ALG2: variants seen among roughly 807,000 people sequenced by gnomAD.
The protein encoded by ALG2 is alpha-1,3/1,6-mannosyltransferase ALG2.
A neutral mutation model predicts 30.5 loss-of-function variants in ALG2; 32 were observed. The observed-to-expected ratio is 1.05, with a 90% CI of 0.79 to 1.41. The LOEUF (loss-of-function observed/expected upper bound fraction) is 1.41. ALG2 is among the 40% of genes most tolerant of loss of function. ALG2 has a pLI of 0.00. For synonymous variants in ALG2, 253 were observed against 224.8 expected, an observed-to-expected ratio of 1.13 and a Z score of -1.12; for missense variants, 574 against 526.4, an observed-to-expected ratio of 1.09 and a Z score of -0.88.
chr9:99,218,213 A>C lies in ALG2; in HGVS notation c.972T>G (p.Asn324Lys). The C allele has an allele frequency of 6.2e-7, 1 of 1,614,238 alleles. No homozygotes were observed. Among genetic ancestry groups the C allele is most frequent in the Non-Finnish European group, 8.5e-7 (1 of 1,180,030 alleles). Residue 324 changes from asparagine to lysine, a missense_variant, in exon 2 of 2, where the codon AAT becomes AAG. By Grantham distance (94) the Asn-to-Lys change is moderately conservative. Transcript: ENST00000476832. ...SCTCVLYTPS[N>K]EHFGIVPLEA... ...CCAGAGGGACAATGCCAAAGTGCTC[A>C]TTGCTTGGTGTGTAAAGCACACACG...
chr9:99,221,602 G>A lies in ALG2; in HGVS notation c.293C>T (p.Ala98Val). Residue 98 changes from alanine to valine, a missense_variant, in exon 1 of 2, where the codon GCG (alanine) becomes GTG (valine). Coordinates refer to ENST00000476832, the MANE Select transcript of ALG2 (RefSeq NM_033087.4). ...VCAYVRMVFL[A>V]LYVLFLADEE... ...GTCGGCGAGGAACAGCACGTAGAGC[G>A]CCAGGAAAACCATGCGCACGTAGGC... is the stretch of plus-strand genomic sequence containing the variant. 2 of 1,543,706 alleles carry A rather than the reference G, an allele frequency of 1.3e-6. No homozygotes were observed. Among genetic ancestry groups the A allele is most frequent in the Non-Finnish European group, 1.7e-6 (2 of 1,145,796 alleles).
chr9:99,220,085 A>G (rs1027460851), intron 1 of ALG2, among the ~76,000 whole-genome samples: 4 of 152,228 alleles, frequency 2.6e-5, no homozygotes, highest in African/African-American at 7.2e-5. Context: ...GTGGGGGAGT[A>G]AAGTGACACA....
intron 1 of ALG2, among the ~76,000 whole-genome samples, chr9:99,220,221 A>C (rs1337672962): frequency 6.6e-6 from 1 of 152,258 alleles, no homozygotes; most frequent in African/African-American, 2.4e-5. Context: ...TTTAAAAAAA[A>C]GAAGTAAAAG....
chr9:99,220,616 G>C (rs1265473479), intron 1 of ALG2, among the ~76,000 whole-genome samples: 2 of 152,162 alleles, frequency 1.3e-5, no homozygotes, highest in Non-Finnish European at 2.9e-5. Flanking sequence ...TCCAGCCTGG[G>C]AGACAGAGCA....
In ALG2 at chr9:99,218,501, C is replaced by T; in HGVS notation, c.684G>A (p.Leu228=). 1 of 1,614,212 alleles carries T rather than the reference C, an allele frequency of 6.2e-7. No individual in the cohort carries two copies. The stretch of plus-strand genomic sequence containing the variant: ...TCCTTTCGTATCTGTTGATGGAGAG[C>T]AGCAGGAATTTTTTCCCCTTGGGGA... The part of the protein sequence containing the change: ...DLVPKGKKFL[L]LSINRYERKK... Residue 228 remains leucine (L), a synonymous_variant, in exon 2 of 2, where the codon CTG becomes CTA. Coordinates refer to ENST00000476832, the MANE Select transcript of ALG2 (RefSeq NM_033087.4).
Position 99,217,315 on chromosome 9 carries a change from C to T in ALG2, c.*619G>A, listed in dbSNP as rs963115476. On this transcript the variant is annotated 3_prime_UTR_variant, in exon 2 of 2. Transcript: ENST00000476832. ...CCAGTTTGGTTGTCATATCCATGTT[C>T]GTAACAATACCAAAATAGATTATGG... 10 of 453,922 alleles carry T rather than the reference C, an allele frequency of 2.2e-5. No homozygotes were observed. The highest frequency in any genetic ancestry group is 1.2e-4 in the African/African-American group (6 of 49,984). The allele number at this position is 453,922 out of a possible 1,614,324, so 28.1% of individuals were successfully genotyped here. A position where few individuals can be genotyped will look rare whatever the true frequency, so the allele number is the denominator to read the frequency against.
chr9:99,220,064 T>C (rs1360671238), intron 1 of ALG2, among the ~76,000 whole-genome samples: 1 of 152,232 alleles, frequency 6.6e-6, no homozygotes, highest in African/African-American at 2.4e-5. Context: ...TAAGAGGCTC[T>C]ATCATACATT....
Position 99,217,100 on chromosome 9 carries a change from G to C in ALG2, c.*834C>G. 3 of 454,122 alleles carry C rather than the reference G, an allele frequency of 6.6e-6. No homozygotes were observed. Among genetic ancestry groups the C allele is most frequent in the Non-Finnish European group, 1.3e-5 (3 of 226,794 alleles). The allele number at this position is 454,122 out of a possible 1,614,324, so 28.1% of individuals were successfully genotyped here. On this transcript the variant is annotated 3_prime_UTR_variant, in exon 2 of 2. Coordinates refer to ENST00000476832, the MANE Select transcript of ALG2 (RefSeq NM_033087.4). ...AAAGCTTTGCAGCAGTGGCATTTGAGCCAGGCCTTGGAAGATAAAAAACAT... is the reference window on the plus strand; with the variant it reads ...AAAGCTTTGCAGCAGTGGCATTTGACCCAGGCCTTGGAAGATAAAAAACAT...
intron 1 of ALG2, among the ~76,000 whole-genome samples, chr9:99,219,946 T>A (rs1221533768): frequency 6.6e-6 from 1 of 152,168 alleles, no homozygotes; most frequent in Non-Finnish European, 1.5e-5. Flanking sequence ...CAAAAGTAAC[T>A]CAGGAGTCAT....
At position 99,221,697 on chromosome 9, in the gene ALG2, T is replaced by A. The variant is rs374316187; in HGVS notation, c.198A>T (p.Leu66=). 11 of 1,583,704 alleles carry A rather than the reference T, an allele frequency of 6.9e-6. No individual in the cohort carries two copies. The highest frequency in any genetic ancestry group is 9.4e-6 in the Non-Finnish European group (11 of 1,171,452). The change falls in exon 1 of 2, where the codon CTA becomes CTT. Residue 66 remains leucine (L), a synonymous_variant. Transcript: ENST00000476832. Reference sequence around the variant, plus strand: ...GCCAGTCCCCGGCACAGCGCACCGGTAGCTCGCGGCTCTCGGCGAAACAGT... The same window carrying A: ...GCCAGTCCCCGGCACAGCGCACCGGAAGCTCGCGGCTCTCGGCGAAACAGT... ...PGHCFAESRE[L]PVRCAGDWLP... is the part of the protein sequence containing the mutation.
chr9:99,218,052 C>T lies in ALG2; in HGVS notation c.1133G>A (p.Arg378His), dbSNP rs376229898. The part of the protein sequence containing the change: ...HFSEAIEKFI[R>H]EPSLKATMGL... ...CATGGTGGCTTTTAAGGAAGGTTCA[C>T]GGATGAACTTTTCTATTGCTTCTGA... Residue 378 changes from arginine (R) to histidine (H), a missense_variant, in exon 2 of 2, where the codon CGT becomes CAT. Coordinates refer to ENST00000476832, the MANE Select transcript of ALG2 (RefSeq NM_033087.4). The T allele has an allele frequency of 5.6e-6, 9 of 1,614,004 alleles. No individual in the cohort carries two copies. Among genetic ancestry groups the T allele is most frequent in the Middle Eastern group, 1.6e-4 (1 of 6,084 alleles).
chr9:99,221,576 C>A lies in ALG2; in HGVS notation c.319G>T (p.Glu107Ter). The stretch of plus-strand genomic sequence containing the variant: ...TCGCACACTACCACGTCGAACTCCT[C>A]GTCGGCGAGGAACAGCACGTAGAGC... ...LALYVLFLAD[E>*]EFDVVVCDQV... Residue 107 changes from glutamate (E) to a stop codon, truncating the protein, a stop_gained, in exon 1 of 2, where the codon GAG becomes TAG. Transcript: ENST00000476832. LOFTEE classifies it high-confidence loss of function. 6.5e-7 allele frequency: 1 copy of A among 1,544,610 alleles called. No homozygotes were observed.
chr9:99,219,162 C>G (rs1055359709), intron 1 of ALG2, among the ~76,000 whole-genome samples: 1 of 152,188 alleles, frequency 6.6e-6, no homozygotes, highest in African/African-American at 2.4e-5. Flanking sequence ...AAAACATTAT[C>G]ATTTCAAAAT....
Position 99,218,677 on chromosome 9 carries a change from C to T in ALG2, c.508G>A (p.Ala170Thr). Residue 170 changes from alanine (A) to threonine (T), a missense_variant, in exon 2 of 2, where the codon GCA becomes ACA. Ala to Thr is a moderately conservative substitution (Grantham distance 58). Coordinates refer to ENST00000476832, the MANE Select transcript of ALG2 (RefSeq NM_033087.4). ...TGGCTGTTGACTAAGATGCAGTCTG[C>T]CATGCCTGTGGTGTATTCCTCTATC... ...DWIEEYTTGMADCILVNSQFT... is the reference protein window; with the variant it reads ...DWIEEYTTGMTDCILVNSQFT... 1 of 1,614,118 alleles carries T rather than the reference C, an allele frequency of 6.2e-7. No individual in the cohort carries two copies. Among genetic ancestry groups the T allele is most frequent in the Non-Finnish European group, 8.5e-7 (1 of 1,180,012 alleles).
chr9:99,218,482 C>T lies in ALG2; in HGVS notation c.703G>A (p.Glu235Lys), dbSNP rs189167741. ...KFLLLSINRY[E>K]RKKNLTLALE... ...GCCAAAGTCAGATTTTTCTTCCTTT[C>T]GTATCTGTTGATGGAGAGCAGCAGG... Residue 235 changes from glutamate to lysine, a missense_variant, in exon 2 of 2, where the codon GAA becomes AAA. Glu to Lys is a moderately conservative substitution (Grantham distance 56). Transcript: ENST00000476832. 1.7e-5 allele frequency: 27 copies of T among 1,614,228 alleles called. No homozygotes were observed. The highest frequency in any genetic ancestry group is 2.7e-5 in the African/African-American group (2 of 75,056).
rs1376399609 is a variant in ALG2 at position 99,218,288 on chromosome 9, G to A, written c.897C>T (p.Phe299=). ...QQSDLGQYVT[F]LRSFSDKQKI... ...TCTGTTTGTCTGAGAAAGACCTCAA[G>A]AAGGTCACATACTGGCCAAGGTCGG... Residue 299 remains phenylalanine (F), a synonymous_variant, in exon 2 of 2, where the codon TTC becomes TTT. Coordinates refer to ENST00000476832, the MANE Select transcript of ALG2 (RefSeq NM_033087.4). 1 of 1,614,220 alleles carries A rather than the reference G, an allele frequency of 6.2e-7. No individual in the cohort carries two copies. The highest frequency in any genetic ancestry group is 8.5e-7 in the Non-Finnish European group (1 of 1,180,032).
chr9:99,220,344 T>C (rs1039004743), intron 1 of ALG2, among the ~76,000 whole-genome samples: 2 of 152,318 alleles, frequency 1.3e-5, no homozygotes, highest in South Asian at 4.1e-4. Flanking sequence ...TTCTGGCCAC[T>C]ATGAAGAATG....
rs769169852 is a variant in ALG2, at chr9:99,221,867, C to G, written c.28G>C (p.Asp10His). 1.3e-6 allele frequency: 2 copies of G among 1,591,162 alleles called. No individual in the cohort carries two copies. The highest frequency in any genetic ancestry group is 1.3e-5 in the African/African-American group (1 of 74,754). MAEEQGRER[D>H]SVPKPSVLFL... is the part of the protein sequence containing the mutation. ...AGCACCGACGGCTTGGGAACCGAGT[C>G]CCGTTCCCGGCCCTGCTCCTCCGCC... Residue 10 changes from aspartate (D) to histidine (H), a missense_variant, in exon 1 of 2, where the codon GAC becomes CAC. Physicochemically the swap from Asp to His is moderately conservative, Grantham distance 81. Coordinates refer to ENST00000476832, the MANE Select transcript of ALG2 (RefSeq NM_033087.4).
rs1195565770 is a variant in ALG2 at position 99,217,544 on chromosome 9, A to T, written c.*390T>A. 6.6e-6 allele frequency: 3 copies of T among 456,694 alleles called. No individual in the cohort carries two copies. The allele number at this position is 456,694 out of a possible 1,614,324, so 28.3% of individuals were successfully genotyped here. On this transcript the variant is annotated 3_prime_UTR_variant, in exon 2 of 2. Coordinates refer to ENST00000476832, the MANE Select transcript of ALG2 (RefSeq NM_033087.4). ...TGGGAACTACAATAGCCCTGCTCTC[A>T]TTATACTATGAAGCCAAATTAATCA...
Sources: gnomAD v4.1 joint callset for allele counts (sites outside exome capture counted in the v4.1 genomes callset) on GRCh38, gnomAD v4.1.1 for gene constraint, MANE v1.5 for transcripts, NCBI Gene and HGNC (gene_info 2026-07-23, HGNC 2026-07-21) for gene names.